The following SIGLEC6 variants were observed in gnomAD, a reference collection of about 807,000 sequenced individuals.
SIGLEC6 encodes sialic acid binding Ig like lectin 6.
Under a neutral mutation model 41.4 loss-of-function variants are expected in SIGLEC6, and 31 were observed. The observed-to-expected ratio is 0.75, with a 90% CI of 0.56 to 1.01. The LOEUF (loss-of-function observed/expected upper bound fraction) is 1.01. Ranked by LOEUF, SIGLEC6 falls within the 50% of genes least tolerant of loss-of-function variation. SIGLEC6 has a pLI of 0.00. For missense variants in SIGLEC6, 555 were observed against 558.6 expected (o/e 0.99, Z 0.06); for synonymous variants, 217 against 231.0 (o/e 0.94, Z 0.55).
intron 4 of SIGLEC6, 47 bp from the exon 5 acceptor site, chr19:51,530,028 A>G: frequency 6.5e-7 from 1 of 1,531,718 alleles, no homozygotes; most frequent in Non-Finnish European, 8.8e-7. Flanking sequence ...TATAGGGGCA[A>G]AGCACTGGTG....
Position 51,530,890 on chromosome 19 carries a change from C to T in SIGLEC6, c.497G>A (p.Cys166Tyr). Residue 166 changes from cysteine (C) to tyrosine (Y), a missense_variant, in exon 3 of 8, where the codon TGC becomes TAC. Physicochemically the swap from Cys to Tyr is radical, Grantham distance 194. Transcript: ENST00000425629. ...CTGCTCACAGACCCAGGGCACAGAG[C>T]AGGTCAGATTGCTGGGATGGCCAGA... is the stretch of plus-strand genomic sequence containing the variant. Reference protein sequence around the residue: ...LESGHPSNLTCSVPWVCEQGT... With the variant: ...LESGHPSNLTYSVPWVCEQGT... 6.2e-7 allele frequency: 1 copy of T among 1,613,786 alleles called. No homozygotes were observed. Among genetic ancestry groups the T allele is most frequent in the Non-Finnish European group, 8.5e-7 (1 of 1,179,994 alleles).
intron 6 of SIGLEC6, among the ~76,000 whole-genome samples, 153 bp from the exon 7 acceptor site, chr19:51,527,981 GA>G (rs1568551577): frequency 1.3e-5 from 2 of 152,170 alleles, no homozygotes; most frequent in East Asian, 3.9e-4. Context: ...GTTTCAAAGA[GA>G]CCCCTTGCTT....
intron 2 of SIGLEC6, 75 bp downstream of exon 2, chr19:51,531,085 G>T (rs73053415): frequency 1.5e-6 from 2 of 1,346,498 alleles, no homozygotes; most frequent in South Asian, 1.3e-5. Flanking sequence ...CTCCCAAGAC[G>T]GGGCTCCCGT....
Position 51,517,906 on chromosome 19 carries a change from T to C in SIGLEC6, c.*2176A>G, listed in dbSNP as rs972324366. Among the ~76,000 whole-genome samples, 6 of 152,170 alleles carry C rather than the reference T, an allele frequency of 3.9e-5. No individual in the cohort carries two copies. Among genetic ancestry groups the C allele is most frequent in the Non-Finnish European group, 8.8e-5 (6 of 68,018 alleles). ...TCTATTTACACTCTTCTGAACTTTATGTTATTATAGTTTCTGGGCTATATA... is the reference window on the plus strand; with the variant it reads ...TCTATTTACACTCTTCTGAACTTTACGTTATTATAGTTTCTGGGCTATATA... On this transcript the variant is annotated 3_prime_UTR_variant, in exon 8 of 8. Coordinates refer to ENST00000425629, the MANE Select transcript of SIGLEC6 (RefSeq NM_001245.7).
intron 5 of SIGLEC6, 175 bp downstream of exon 5, chr19:51,529,549 A>G: frequency 1.4e-6 from 1 of 722,326 alleles, no homozygotes; most frequent in Non-Finnish European, 2.2e-6. Context: ...CCAAGCTGCC[A>G]GTGCAGGGAG....
At position 51,528,991 on chromosome 19, in the gene SIGLEC6, G is replaced by C. The variant is rs1298879694; in HGVS notation, c.1012+733C>G. The stretch of plus-strand genomic sequence containing the variant: ...GCATTCCAGCCTGGCAACAGAGTGA[G>C]ACCCTCTCTCAAAAAAAAAAAAAAA... On this transcript the variant is annotated intron_variant, in intron 5 of 7. Transcript: ENST00000425629. Among the ~76,000 whole-genome samples the C allele has an allele frequency of 1.0e-4, 9 of 85,756 alleles. No individual in the cohort carries two copies. The Admixed American group carries it at 1.5e-3, about 14-fold the overall frequency. 56.3% of individuals were successfully genotyped at this position (85,756 alleles called of 152,430 possible).
Position 51,530,860 on chromosome 19 carries a change from G to A in SIGLEC6, c.527C>T (p.Thr176Met), listed in dbSNP as rs780557269. 255 of 1,613,758 alleles carry A rather than the reference G, an allele frequency of 1.6e-4. No homozygotes were observed. The highest frequency in any genetic ancestry group is 2.0e-4 in the Non-Finnish European group (239 of 1,179,986). Residue 176 changes from threonine (T) to methionine (M), a missense_variant, in exon 3 of 8, where the codon ACG becomes ATG. Transcript: ENST00000425629. Reference protein sequence around the residue: ...CSVPWVCEQGTPPIFSWMSAA... With the variant: ...CSVPWVCEQGMPPIFSWMSAA... ...TGACATCCAGGAGAAGATGGGGGGC[G>A]TCCCCTGCTCACAGACCCAGGGCAC... is the stretch of plus-strand genomic sequence containing the variant.
At position 51,517,964 on chromosome 19, in the gene SIGLEC6, G is replaced by T. The variant is rs901514841; in HGVS notation, c.*2118C>A. ...TATTTCAATATTACATTTGATGTTT[G>T]ACCCCTCTACAAACCATCATTTTTA... On this transcript the variant is annotated 3_prime_UTR_variant, in exon 8 of 8. Transcript: ENST00000425629. Among the ~76,000 whole-genome samples, 1 of 151,944 alleles carries T rather than the reference G, an allele frequency of 6.6e-6. No homozygotes were observed. The highest frequency in any genetic ancestry group is 2.4e-5 in the African/African-American group (1 of 41,364).
In SIGLEC6 at chr19:51,529,429, A is replaced by G. The variant is rs1460225390; in HGVS notation, c.1012+295T>C. 1.4e-5 allele frequency: 6 copies of G among 439,660 alleles called. No homozygotes were observed. In the Admixed American group the frequency reaches 2.1e-4, roughly 16 times the overall value. The allele number at this position is 439,660 out of a possible 1,614,324, so 27.2% of individuals were successfully genotyped here. ...GCCTCAAAGCTGAGCCTGAGACTTG[A>G]GCTGAATCCCTGGCAGGGGCTCAGG... is the stretch of plus-strand genomic sequence containing the variant. On this transcript the variant is annotated intron_variant, in intron 5 of 7. Coordinates refer to ENST00000425629, the MANE Select transcript of SIGLEC6 (RefSeq NM_001245.7).
chr19:51,524,131 T>G (rs747363262), intron 7 of SIGLEC6, among the ~76,000 whole-genome samples: 10 of 152,200 alleles, frequency 6.6e-5, no homozygotes, highest in Admixed American at 1.3e-4. Flanking sequence ...AGAATTAAAC[T>G]GAGCCAAATC....
chr19:51,531,536 G>A lies in SIGLEC6; in HGVS notation c.68-17C>T. 1 of 1,613,892 alleles carries A rather than the reference G, an allele frequency of 6.2e-7. No individual in the cohort carries two copies. The highest frequency in any genetic ancestry group is 8.5e-7 in the Non-Finnish European group (1 of 1,179,910). On this transcript the variant is annotated splice_polypyrimidine_tract_variant and intron_variant, in intron 1 of 7. Coordinates refer to ENST00000425629, the MANE Select transcript of SIGLEC6 (RefSeq NM_001245.7). ...CCAGGGCCCCTATGGAGACATGAGG[G>A]TCAGCTCGGCCCAGCCCCACGGCAC...
intron 7 of SIGLEC6, among the ~76,000 whole-genome samples, chr19:51,525,641 G>A (rs1376671493): frequency 2.0e-5 from 3 of 152,200 alleles, no homozygotes; most frequent in African/African-American, 7.2e-5. Context: ...GCTGGGAAAA[G>A]AATAAAGACC....
In SIGLEC6 at chr19:51,519,901, T is replaced by C. The variant is rs1337030958; in HGVS notation, c.*181A>G. On this transcript the variant is annotated 3_prime_UTR_variant, in exon 8 of 8. Coordinates refer to ENST00000425629, the MANE Select transcript of SIGLEC6 (RefSeq NM_001245.7). ...ATCTACAAGCCAACAAGAGAGGCCT[T>C]AGAAGGGACCAACCCTGATAACACC... The C allele has an allele frequency of 9.3e-6, 4 of 429,024 alleles. No individual in the cohort carries two copies. The highest frequency in any genetic ancestry group is 1.6e-5 in the Non-Finnish European group (4 of 248,410). 26.6% of individuals were successfully genotyped at this position (429,024 alleles called of 1,614,324 possible).
chr19:51,523,488 AC>A (rs1234471484), intron 7 of SIGLEC6, among the ~76,000 whole-genome samples: 1 of 152,224 alleles, frequency 6.6e-6, no homozygotes, highest in African/African-American at 2.4e-5. Flanking sequence ...AAAGATAAAA[AC>A]AAAGAAAACC....
chr19:51,531,042 T>G (rs1980235247), intron 2 of SIGLEC6, 83 bp from the exon 3 acceptor site: 1 of 1,576,152 alleles, frequency 6.3e-7, no homozygotes. Flanking sequence ...GTCCAGCTCC[T>G]TCTCTGAGCC....
rs1385057806 is a variant in SIGLEC6 at position 51,530,420 on chromosome 19, G to A, written c.754+17C>T. 1 of 1,612,232 alleles carries A rather than the reference G, an allele frequency of 6.2e-7. No homozygotes were observed. The highest frequency in any genetic ancestry group is 1.3e-5 in the African/African-American group (1 of 74,894). On this transcript the variant is annotated intron_variant, in intron 4 of 7. Coordinates refer to ENST00000425629, the MANE Select transcript of SIGLEC6 (RefSeq NM_001245.7). ...TTCCATCTGGCCCTGGAGAGAACAG[G>A]ACTGGCTGGTTCCTACCTGCGCTGT...
At chr19:51,526,982 A>G (rs1186761168) in intron 7 of SIGLEC6, among the ~76,000 whole-genome samples, 1 of 152,232 alleles carries the variant, frequency 6.6e-6, no homozygotes, top group Non-Finnish European at 1.5e-5. Flanking sequence ...AAATTAACTC[A>G]GGCAGACAAA....
intron 7 of SIGLEC6, among the ~76,000 whole-genome samples, chr19:51,526,051 C>G (rs1160599591): frequency 6.6e-6 from 1 of 152,144 alleles, no homozygotes; most frequent in Non-Finnish European, 1.5e-5. Flanking sequence ...TGCTTGGGCC[C>G]ACAGCACAGC....
chr19:51,519,018 G>A lies in SIGLEC6; in HGVS notation c.*1064C>T, dbSNP rs568659658. ...TCTGTTAAAACAGCTAATCAAAGCC[G>A]GGTGCGGTGGCTCATGCCTGTAATC... is the stretch of plus-strand genomic sequence containing the variant. On this transcript the variant is annotated 3_prime_UTR_variant, in exon 8 of 8. Coordinates refer to ENST00000425629, the MANE Select transcript of SIGLEC6 (RefSeq NM_001245.7). 4.9e-4 allele frequency among the ~76,000 whole-genome samples: 74 copies of A among 152,258 alleles called. No homozygotes were observed. Among genetic ancestry groups the A allele is most frequent in the Middle Eastern group, 3.4e-3 (1 of 294 alleles).
Sources: allele counts gnomAD v4.1 joint callset (sites outside exome capture counted in the v4.1 genomes callset), GRCh38; gene constraint gnomAD v4.1.1; transcripts MANE v1.5; gene names NCBI Gene and HGNC (gene_info 2026-07-23, HGNC 2026-07-21).